Variants in TBC1D8 observed in about 807,000 individuals in gnomAD.
TBC1D8 encodes TBC1 domain family member 8.
TBC1D8 carries 65 observed loss-of-function variants against 118.8 expected under a neutral mutation model. The observed-to-expected ratio is 0.55, with a 90% CI of 0.45 to 0.67. TBC1D8 has a LOEUF of 0.67. Ranked by LOEUF, TBC1D8 falls within the 30% of genes least tolerant of loss-of-function variation. The pLI, the probability that TBC1D8 is intolerant of heterozygous loss-of-function variation, is 0.00. For missense variants in TBC1D8, 1,376 were observed against 1,471.2 expected (o/e 0.94, Z 1.06); for synonymous variants, 566 against 595.8 (o/e 0.95, Z 0.73).
chr2:101,017,711 C>T lies in TBC1D8; in HGVS notation c.2827+3970G>A, dbSNP rs971429369. 8 of 784,278 alleles carry T rather than the reference C, an allele frequency of 1.0e-5. No individual in the cohort carries two copies. The Admixed American group carries it at 1.9e-4, about 18-fold the overall frequency. 48.6% of individuals were successfully genotyped at this position (784,278 alleles called of 1,614,324 possible). ...AAAGCAGATCATTCTAACAGATATC[C>T]ATGGTACATCACTTTATCACAGGCA... On this transcript the variant is annotated intron_variant, in intron 17 of 19. Transcript: ENST00000409318.
intron 5 of TBC1D8, among the ~76,000 whole-genome samples, chr2:101,043,655 T>G (rs147354060): frequency 6.6e-6 from 1 of 152,092 alleles, no homozygotes; most frequent in African/African-American, 2.4e-5. Flanking sequence ...GAATAAGGTG[T>G]TCCAGGCTGA....
At position 101,011,415 on chromosome 2, in the gene TBC1D8, A is replaced by G. The variant is rs1313061829; in HGVS notation, c.2917+36T>C. 4.4e-6 allele frequency: 7 copies of G among 1,593,916 alleles called. No individual in the cohort carries two copies. The Admixed American group carries it at 5.0e-5, about 11-fold the overall frequency. ...CGGTGCCTCCCGCCACTGCAGTGGT[A>G]TGCAGGGGAAAGCAACAATGAAAAG... On this transcript the variant is annotated intron_variant, in intron 18 of 19. Transcript: ENST00000409318.
rs1678565470 is a variant in TBC1D8 at position 101,130,942 on chromosome 2, GA to G, written c.127+20184del. On this transcript the variant is annotated intron_variant, in intron 1 of 19. Transcript: ENST00000409318. ...ACATTATATCAAAAACTCCTGTGTT[GA>G]AGTCATTTAATTTTAGGAAGGGATT... Among the ~76,000 whole-genome samples, 13 of 152,308 alleles carry G rather than the reference GA, an allele frequency of 8.5e-5. No individual in the cohort carries two copies. The South Asian group carries it at 2.7e-3, about 32-fold the overall frequency.
chr2:101,010,033 A>G (rs1052539394), intron 19 of TBC1D8, among the ~76,000 whole-genome samples: 6 of 151,710 alleles, frequency 4.0e-5, no homozygotes, highest in Non-Finnish European at 5.9e-5. Context: ...TCACCATGTT[A>G]GCCAGGATGG....
At chr2:101,138,680 C>T (rs759892139) in intron 1 of TBC1D8, among the ~76,000 whole-genome samples, 3 of 152,152 alleles carry the variant, frequency 2.0e-5, no homozygotes, top group Non-Finnish European at 2.9e-5. Context: ...AAGAGATACA[C>T]AGGGCGGGGT....
chr2:101,088,527 C>A (rs1675796225), intron 2 of TBC1D8, among the ~76,000 whole-genome samples: 1 of 152,068 alleles, frequency 6.6e-6, no homozygotes, highest in Non-Finnish European at 1.5e-5. Flanking sequence ...ACCTCGTGAT[C>A]CACCCGCCTG....
At chr2:101,127,050 C>T (rs1464226861) in intron 1 of TBC1D8, among the ~76,000 whole-genome samples, 3 of 152,132 alleles carry the variant, frequency 2.0e-5, no homozygotes, top group Non-Finnish European at 4.4e-5. Flanking sequence ...GAAATTGAGG[C>T]CCCTGGCCAG....
intron 1 of TBC1D8, among the ~76,000 whole-genome samples, chr2:101,115,492 T>G (rs757282670): frequency 1.3e-5 from 2 of 152,204 alleles, no homozygotes; most frequent in Non-Finnish European, 2.9e-5. Context: ...GGCTCATGCC[T>G]GTAATCCCAG....
At chr2:101,033,843 C>T (rs1323364499) in intron 9 of TBC1D8, 85 bp from the exon 10 acceptor site, 2 of 1,450,202 alleles carry the variant, frequency 1.4e-6, no homozygotes, top group African/African-American at 2.8e-5. Flanking sequence ...ATCAGGGGAC[C>T]CCAGTGGGGT....
intron 1 of TBC1D8, among the ~76,000 whole-genome samples, chr2:101,117,387 C>G (rs965612248): frequency 6.6e-6 from 1 of 152,136 alleles, no homozygotes; most frequent in African/African-American, 2.4e-5. Flanking sequence ...CCATCTCACC[C>G]AGCCAATCTT....
intron 15 of TBC1D8, among the ~76,000 whole-genome samples, chr2:101,024,200 C>T (rs568763308): frequency 6.6e-6 from 1 of 152,264 alleles, no homozygotes; most frequent in East Asian, 1.9e-4. Flanking sequence ...AGGATATGAA[C>T]AGGTGATTCA....
At chr2:101,066,241 G>A (rs1007576817) in intron 2 of TBC1D8, among the ~76,000 whole-genome samples, 7 of 152,026 alleles carry the variant, frequency 4.6e-5, no homozygotes, top group Non-Finnish European at 8.8e-5. Flanking sequence ...CCGAGATCAC[G>A]CCACTGCACT....
At chr2:101,146,785 C>A (rs897232653) in intron 1 of TBC1D8, among the ~76,000 whole-genome samples, 1 of 152,122 alleles carries the variant, frequency 6.6e-6, no homozygotes, top group African/African-American at 2.4e-5. Context: ...CCACAGTCAC[C>A]CTACTGTGCA....
chr2:101,146,163 T>C (rs747776292), intron 1 of TBC1D8, among the ~76,000 whole-genome samples: 11 of 152,170 alleles, frequency 7.2e-5, no homozygotes, highest in Non-Finnish European at 1.3e-4. Flanking sequence ...CGAAGTAAGA[T>C]TCATTATTGT....
Position 101,090,275 on chromosome 2 carries a change from C to T in TBC1D8, c.217G>A (p.Val73Ile). ...TCACCACATGCTATGGGAGAATAAACCTGGGAGCCGGGAACTTGAAGCAGA... is the reference window on the plus strand; with the variant it reads ...TCACCACATGCTATGGGAGAATAAATCTGGGAGCCGGGAACTTGAAGCAGA... ...RILLQVPGSQ[V>I]YSPIACGELL... Residue 73 changes from valine (V) to isoleucine (I), a missense_variant, in exon 2 of 20, where the codon GTT (valine) becomes ATT (isoleucine). Coordinates refer to ENST00000409318, the MANE Select transcript of TBC1D8 (RefSeq NM_001330348.2). 6.2e-7 allele frequency: 1 copy of T among 1,613,970 alleles called. No individual in the cohort carries two copies. Among genetic ancestry groups the T allele is most frequent in the Non-Finnish European group, 8.5e-7 (1 of 1,179,872 alleles).
chr2:101,069,591 A>C (rs571069892), intron 2 of TBC1D8, among the ~76,000 whole-genome samples: 2 of 152,314 alleles, frequency 1.3e-5, no homozygotes, highest in African/African-American at 4.8e-5. Context: ...CATCTCAAAA[A>C]CAAAACAAAA....
At chr2:101,148,290 C>T (rs1679401179) in intron 1 of TBC1D8, among the ~76,000 whole-genome samples, 1 of 152,220 alleles carries the variant, frequency 6.6e-6, no homozygotes, top group African/African-American at 2.4e-5. Flanking sequence ...CCTCTACTCC[C>T]ACCCAACTTT....
chr2:101,018,993 G>A, intron 17 of TBC1D8: 1 of 1,611,882 alleles, frequency 6.2e-7, no homozygotes, highest in Admixed American at 1.7e-5. Flanking sequence ...ATATTTCTGT[G>A]CTAGTTTCTG....
chr2:101,025,794 C>T (rs898858941), intron 15 of TBC1D8, among the ~76,000 whole-genome samples: 2 of 152,194 alleles, frequency 1.3e-5, no homozygotes, highest in African/African-American at 4.8e-5. Context: ...CCGTTTCAGG[C>T]CCCAATGGCT....
Sources: allele counts gnomAD v4.1 joint callset (sites outside exome capture counted in the v4.1 genomes callset), GRCh38; gene constraint gnomAD v4.1.1; transcripts MANE v1.5; gene names NCBI Gene and HGNC (gene_info 2026-07-23, HGNC 2026-07-21).